The following RBM26 variants were observed in gnomAD, a reference collection of about 807,000 sequenced individuals.
The protein encoded by RBM26 is RNA-binding protein 26.
RBM26 carries 30 observed loss-of-function variants against 123.6 expected under a neutral mutation model. That is an observed-to-expected ratio of 0.24 (90% CI 0.18 to 0.33). The LOEUF (loss-of-function observed/expected upper bound fraction) is 0.33. RBM26 is among the 10% of genes least tolerant of loss of function. The pLI is 1.00. For synonymous variants in RBM26, 400 were observed against 404.4 expected (o/e 0.99, Z 0.13); for missense variants, 947 against 1,203.6 (o/e 0.79, Z 3.15).
chr13:79,356,459 C>T (rs1340732720), intron 11 of RBM26, among the ~76,000 whole-genome samples: 2 of 150,724 alleles, frequency 1.3e-5, no homozygotes, highest in Non-Finnish European at 3.0e-5. Context: ...CTCACATGAA[C>T]ATGATCAAGT....
At chr13:79,404,803 T>C (rs933495466) in intron 1 of RBM26, among the ~76,000 whole-genome samples, 1 of 152,214 alleles carries the variant, frequency 6.6e-6, no homozygotes, top group Admixed American at 6.5e-5. Context: ...TCTCTATTAT[T>C]ACAATAGTCA....
intron 14 of RBM26, among the ~76,000 whole-genome samples, chr13:79,345,299 C>T (rs528634007): frequency 6.6e-6 from 1 of 152,128 alleles, no homozygotes; most frequent in Non-Finnish European, 1.5e-5. Context: ...CTCCCCTAAA[C>T]TCAGCTTAGG....
chr13:79,323,050 A>AG (rs1342026574), intron 20 of RBM26, among the ~76,000 whole-genome samples: 1 of 151,514 alleles, frequency 6.6e-6, no homozygotes. Flanking sequence ...TCTCAATGAA[A>AG]GGAAAAAAAA....
downstream of RBM26, among the ~76,000 whole-genome samples, chr13:79,315,614 G>T (rs2067072870): frequency 6.6e-6 from 1 of 151,774 alleles, no homozygotes; most frequent in African/African-American, 2.4e-5. Flanking sequence ...AACAGTGAGG[G>T]AGGATTTAGG....
At chr13:79,391,536 G>T (rs996233478) in intron 1 of RBM26, among the ~76,000 whole-genome samples, 4 of 152,088 alleles carry the variant, frequency 2.6e-5, no homozygotes, top group Non-Finnish European at 2.9e-5. Flanking sequence ...CAATTCTCCT[G>T]CTTCAGCTTC....
At chr13:79,315,712 A>T (rs1397229460), downstream of RBM26, among the ~76,000 whole-genome samples, 1 of 151,886 alleles carries the variant, frequency 6.6e-6, no homozygotes, top group East Asian at 1.9e-4. Flanking sequence ...TAATATGGAT[A>T]AACTGCAAGA....
At chr13:79,344,132 A>ATTT in intron 16 of RBM26, 116 bp downstream of exon 16, 1 of 742,670 alleles carries the variant, frequency 1.3e-6, no homozygotes, top group East Asian at 2.6e-5. Flanking sequence ...ACTGACAAAT[A>ATTT]TTTGTTTTAC....
At chr13:79,364,860 A>T (rs2075097387) in intron 9 of RBM26, among the ~76,000 whole-genome samples, 1 of 152,226 alleles carries the variant, frequency 6.6e-6, no homozygotes, top group Non-Finnish European at 1.5e-5. Flanking sequence ...AACTAATATC[A>T]AATTTTAACA....
Position 79,392,038 on chromosome 13 carries a change from TATACA to T in RBM26, c.72-13136_72-13132del, listed in dbSNP as rs1333009197. On this transcript the variant is annotated intron_variant, in intron 1 of 21. Transcript: ENST00000438737. ...TATACATTATTATATAATTATATAT[TATACA>T]ATACATTATTATATAATTATGTATT... Among the ~76,000 whole-genome samples the T allele has an allele frequency of 3.0e-5, 3 of 101,048 alleles. No homozygotes were observed. In the Admixed American group the frequency reaches 3.7e-4, roughly 12 times the overall value. The allele number at this position is 101,048 out of a possible 152,430, so 66.3% of individuals were successfully genotyped here. A position where few individuals can be genotyped will look rare whatever the true frequency, so the allele number is the denominator to read the frequency against.
intron 1 of RBM26, among the ~76,000 whole-genome samples, chr13:79,399,223 G>C (rs1322613407): frequency 6.6e-6 from 1 of 152,250 alleles, no homozygotes; most frequent in East Asian, 1.9e-4. Context: ...AGGATATAAA[G>C]ACAGTACACC....
intron 6 of RBM26, among the ~76,000 whole-genome samples, chr13:79,368,415 T>C (rs2075558767): frequency 6.6e-6 from 1 of 152,206 alleles, no homozygotes; most frequent in African/African-American, 2.4e-5. Context: ...AATCACTCAT[T>C]CTAAAGAAAT....
intron 20 of RBM26, among the ~76,000 whole-genome samples, chr13:79,325,525 T>C (rs2068249853): frequency 6.6e-6 from 1 of 152,150 alleles, no homozygotes; most frequent in African/African-American, 2.4e-5. Context: ...AAAAAAATGT[T>C]AAAAATAGAC....
intron 17 of RBM26, among the ~76,000 whole-genome samples, chr13:79,341,666 G>C (rs577773300): frequency 2.1e-3 from 316 of 151,900 alleles, no homozygotes; most frequent in African/African-American, 7.2e-3. Flanking sequence ...TATAAGGGAT[G>C]GGTGGGGACA....
intron 1 of RBM26, among the ~76,000 whole-genome samples, chr13:79,399,029 A>G (rs1300213690): frequency 1.3e-5 from 2 of 152,214 alleles, no homozygotes; most frequent in Admixed American, 6.5e-5. Flanking sequence ...AGACTCTAAT[A>G]ATAAAGCTAA....
intron 20 of RBM26, among the ~76,000 whole-genome samples, chr13:79,333,829 G>T (rs1474934000): frequency 6.6e-6 from 1 of 152,140 alleles, no homozygotes; most frequent in Non-Finnish European, 1.5e-5. Context: ...TAGAGGTATA[G>T]ACCATGTCTT....
chr13:79,376,631 T>A (rs972440361), intron 3 of RBM26: 1 of 152,226 alleles, frequency 6.6e-6, no homozygotes, highest in African/African-American at 2.4e-5. Context: ...TGAAGTCATA[T>A]CCACTGTCTT....
intron 19 of RBM26, 29 bp from the exon 20 acceptor site, chr13:79,334,459 C>A (rs779638858): frequency 3.2e-6 from 4 of 1,253,244 alleles, no homozygotes; most frequent in Non-Finnish European, 4.5e-6. Flanking sequence ...GTATTTCCTC[C>A]AAATAAATAT....
At chr13:79,348,234 A>G (rs2072647049) in intron 14 of RBM26, among the ~76,000 whole-genome samples, 1 of 152,050 alleles carries the variant, frequency 6.6e-6, no homozygotes, top group African/African-American at 2.4e-5. Context: ...CTTATAGTAT[A>G]TTGTCAGGTT....
At chr13:79,377,973 C>T (rs1282955183) in intron 2 of RBM26, among the ~76,000 whole-genome samples, 3 of 152,084 alleles carry the variant, frequency 2.0e-5, no homozygotes, top group Admixed American at 6.5e-5. Context: ...ATATCAACAG[C>T]TTCCCAACCA....
Sources: allele counts gnomAD v4.1 joint callset (sites outside exome capture counted in the v4.1 genomes callset), GRCh38; gene constraint gnomAD v4.1.1; transcripts MANE v1.5; gene names NCBI Gene and HGNC (gene_info 2026-07-23, HGNC 2026-07-21).